Variants in CDH8 observed in about 807,000 individuals in gnomAD.
CDH8 encodes the protein cadherin-8.
Under a neutral mutation model 68.1 loss-of-function variants are expected in CDH8, and 17 were observed. The observed-to-expected ratio is 0.25, with a 90% CI of 0.17 to 0.37. CDH8 has a LOEUF of 0.37. CDH8 is among the 10% of genes least tolerant of loss of function. The pLI, the probability that CDH8 is intolerant of heterozygous loss-of-function variation, is 1.00. For synonymous variants in CDH8, 372 were observed against 365.1 expected, an observed-to-expected ratio of 1.02 and a Z score of -0.21; for missense variants, 763 against 999.3, an observed-to-expected ratio of 0.76 and a Z score of 3.19.
At chr16:61,861,164 A>C (rs545627463) in intron 3 of CDH8, among the ~76,000 whole-genome samples, 8 of 152,318 alleles carry the variant, frequency 5.3e-5, no homozygotes, top group African/African-American at 1.9e-4. Flanking sequence ...TCTATGGAAT[A>C]ATAAAATGGA....
In CDH8 at chr16:61,960,364, CAT is replaced by C. The variant is rs771700015; in HGVS notation, c.253-58893_253-58892del. On this transcript the variant is annotated intron_variant, in intron 2 of 11. Coordinates refer to ENST00000577390, the MANE Select transcript of CDH8 (RefSeq NM_001796.5). ...ATATATACATGTGTGTGTGTATACA[CAT>C]ACATATATACATGTGTGTGTGTATA... Among the ~76,000 whole-genome samples, 761 of 81,242 alleles carry C rather than the reference CAT, an allele frequency of 9.4e-3. 187 individuals carry two copies. The highest frequency in any genetic ancestry group is 0.029 in the African/African-American group (458 of 15,828). 53.3% of individuals were successfully genotyped at this position (81,242 alleles called of 152,430 possible).
At chr16:61,933,798 G>T (rs1964584426) in intron 2 of CDH8, among the ~76,000 whole-genome samples, 1 of 152,062 alleles carries the variant, frequency 6.6e-6, no homozygotes, top group Non-Finnish European at 1.5e-5. Flanking sequence ...CTAATTTAAG[G>T]TCTCATATGG....
chr16:61,972,927 G>C (rs1310636107), intron 2 of CDH8, among the ~76,000 whole-genome samples: 1 of 152,118 alleles, frequency 6.6e-6, no homozygotes, highest in African/African-American at 2.4e-5. Flanking sequence ...GTTTTTATAA[G>C]CTTTTACAAA....
chr16:61,750,175 T>C (rs1048742004), intron 8 of CDH8, among the ~76,000 whole-genome samples: 23 of 152,098 alleles, frequency 1.5e-4, no homozygotes, highest in African/African-American at 2.4e-5. Context: ...TGGCTTTCTG[T>C]TCCTGTGTTC....
rs543971225 is a variant in CDH8 at position 61,949,565 on chromosome 16, C to T, written c.253-48092G>A. Among the ~76,000 whole-genome samples, 8 of 152,184 alleles carry T rather than the reference C, an allele frequency of 5.3e-5. No individual in the cohort carries two copies. In the South Asian group the frequency reaches 8.3e-4, roughly 16 times the overall value. On this transcript the variant is annotated intron_variant, in intron 2 of 11. Coordinates refer to ENST00000577390, the MANE Select transcript of CDH8 (RefSeq NM_001796.5). Reference sequence around the variant, plus strand: ...ACCACCTTTAAAAGCTGTAACACTCCGCCAAGGTCTGCAGCTTCATTCTTG... The same window carrying T: ...ACCACCTTTAAAAGCTGTAACACTCTGCCAAGGTCTGCAGCTTCATTCTTG...
In CDH8 at chr16:61,649,417, T is replaced by A. The variant is rs1003139768; in HGVS notation, c.*4191A>T. 37 of 149,636 alleles carry A rather than the reference T, an allele frequency of 2.5e-4. No individual in the cohort carries two copies. Among genetic ancestry groups the A allele is most frequent in the Middle Eastern group, 3.5e-3 (1 of 286 alleles). The allele number at this position is 149,636 out of a possible 1,614,324, so 9.3% of individuals were successfully genotyped here. ...ACTGAATTGTGTATATATGTGCATA[T>A]TTATATATATGAATATATTTATAAA... On this transcript the variant is annotated 3_prime_UTR_variant, in exon 12 of 12. Coordinates refer to ENST00000577390, the MANE Select transcript of CDH8 (RefSeq NM_001796.5).
intron 7 of CDH8, among the ~76,000 whole-genome samples, chr16:61,815,676 A>G (rs944368727): frequency 1.3e-5 from 2 of 152,130 alleles, no homozygotes; most frequent in Non-Finnish European, 2.9e-5. Flanking sequence ...CCTGGCTGAC[A>G]AGAGTAGAAA....
intron 2 of CDH8, among the ~76,000 whole-genome samples, chr16:61,921,064 T>G (rs1411543588): frequency 3.1e-5 from 4 of 128,746 alleles, no homozygotes; most frequent in African/African-American, 8.9e-5. Context: ...TGAGAACACA[T>G]GGACACAGGA....
In CDH8 at chr16:61,651,587, C is replaced by G. The variant is rs1963325203; in HGVS notation, c.*2021G>C. 6.6e-6 allele frequency: 1 copy of G among 152,190 alleles called. No individual in the cohort carries two copies. Among genetic ancestry groups the G allele is most frequent in the Admixed American group, 6.5e-5 (1 of 15,270 alleles). The allele number at this position is 152,190 out of a possible 1,614,324, so 9.4% of individuals were successfully genotyped here. A position where few individuals can be genotyped will look rare whatever the true frequency, so the allele number is the denominator to read the frequency against. On this transcript the variant is annotated 3_prime_UTR_variant, in exon 12 of 12. Transcript: ENST00000577390. ...ATGACAGAGGACCACAGCCTGACTG[C>G]TTTAATGGATGTGTTTTCACTCTAG...
intron 2 of CDH8, among the ~76,000 whole-genome samples, chr16:61,912,630 T>A (rs1964179680): frequency 6.6e-6 from 1 of 152,078 alleles, no homozygotes; most frequent in South Asian, 2.1e-4. Context: ...TTCTCAAACA[T>A]CCTTCCTTTT....
chr16:61,801,073 G>A (rs1455835896), intron 7 of CDH8, among the ~76,000 whole-genome samples: 1 of 151,276 alleles, frequency 6.6e-6, no homozygotes, highest in Non-Finnish European at 1.5e-5. Context: ...ATTAAGTTTT[G>A]TTCCCTAGAG....
At chr16:61,943,606 G>A (rs1964757147) in intron 2 of CDH8, among the ~76,000 whole-genome samples, 2 of 151,920 alleles carry the variant, frequency 1.3e-5, no homozygotes, top group African/African-American at 4.8e-5. Flanking sequence ...ATAAGAACTG[G>A]GTTTATTCAG....
chr16:61,889,518 C>T lies in CDH8; in HGVS notation c.547+11661G>A, dbSNP rs139732011. On this transcript the variant is annotated intron_variant, in intron 3 of 11. Transcript: ENST00000577390. ...ACCAGAAATATATTGACAAAGGTGT[C>T]CCACATTCATTTTCAGGCAAGTCTT... Among the ~76,000 whole-genome samples the T allele has an allele frequency of 2.7e-3, 404 of 152,286 alleles. 8 individuals are homozygous for T. Among genetic ancestry groups the T allele is most frequent in the Admixed American group, 0.012 (182 of 15,302 alleles).
In CDH8 at chr16:61,649,531, G is replaced by C. The variant is rs1963274267; in HGVS notation, c.*4077C>G. ...TAGAGCTTTTATAGTGATGCCCGCT[G>C]TTACCTTATCTTTTTGACTGACAAT... On this transcript the variant is annotated 3_prime_UTR_variant, in exon 12 of 12. Transcript: ENST00000577390. The C allele has an allele frequency of 6.6e-6, 1 of 151,806 alleles. No homozygotes were observed. The highest frequency in any genetic ancestry group is 1.5e-5 in the Non-Finnish European group (1 of 67,944). The allele number at this position is 151,806 out of a possible 1,614,324, so 9.4% of individuals were successfully genotyped here.
chr16:61,815,616 A>G (rs1446290623), intron 7 of CDH8, among the ~76,000 whole-genome samples: 1 of 151,956 alleles, frequency 6.6e-6, no homozygotes, highest in Admixed American at 6.6e-5. Flanking sequence ...CTGAACCCTT[A>G]TTTTCCCTAA....
At position 61,653,961 on chromosome 16, in the gene CDH8, C is replaced by A. The variant is rs1963385537; in HGVS notation, c.2047G>T (p.Ala683Ser). The A allele has an allele frequency of 3.1e-6, 5 of 1,614,140 alleles. No individual in the cohort carries two copies. Among genetic ancestry groups the A allele is most frequent in the Non-Finnish European group, 4.2e-6 (5 of 1,180,024 alleles). ...ATTCCATCTGGATTTTGTAAAGTTG[C>A]AATGTCAAAAGCCTCTGTGTCCTCC... is the stretch of plus-strand genomic sequence containing the variant. ...GEEDTEAFDIATLQNPDGING... is the reference protein window; with the variant it reads ...GEEDTEAFDISTLQNPDGING... Residue 683 changes from alanine to serine, a missense_variant, in exon 12 of 12, where the codon GCA becomes TCA. Physicochemically the swap from Ala to Ser is moderately conservative, Grantham distance 99 (BLOSUM62 1). This residue lies in a region of CDH8 where 397 missense variants were observed against 436.2 expected (regional missense o/e 0.91). Transcript: ENST00000577390.
chr16:61,885,593 A>T (rs1378173703), intron 3 of CDH8, among the ~76,000 whole-genome samples: 1 of 151,954 alleles, frequency 6.6e-6, no homozygotes, highest in Non-Finnish European at 1.5e-5. Flanking sequence ...TTCTCCTTTC[A>T]TTTAAGTTTG....
intron 8 of CDH8, among the ~76,000 whole-genome samples, chr16:61,768,352 CTCTCTCTCT>C (rs1960664362): frequency 1.3e-4 from 15 of 113,820 alleles, no homozygotes; most frequent in African/African-American, 5.2e-4. Flanking sequence ...CTCTCTCTCT[CTCTCTCTCT>C]CTCTCTCCCT....
At chr16:61,776,165 A>G (rs1025068494) in intron 8 of CDH8, among the ~76,000 whole-genome samples, 7 of 152,128 alleles carry the variant, frequency 4.6e-5, no homozygotes, top group African/African-American at 1.2e-4. Flanking sequence ...GAATATTATC[A>G]AGTCCTTACC....
Sources: gnomAD v4.1 joint callset for allele counts (sites outside exome capture counted in the v4.1 genomes callset) on GRCh38, gnomAD v4.1.1 for gene constraint, gnomAD v4.1.1 regional missense constraint, MANE v1.5 for transcripts, NCBI Gene and HGNC (gene_info 2026-07-23, HGNC 2026-07-21) for gene names.